The following TUSC3 variants were observed in gnomAD, a reference collection of about 807,000 sequenced individuals.
TUSC3 encodes the protein dolichyl-diphosphooligosaccharide--protein glycosyltransferase subunit TUSC3.
Under a neutral mutation model 44.8 loss-of-function variants are expected in TUSC3, and 45 were observed. The ratio of observed to expected loss-of-function variants is 1.00; its 90% CI spans 0.79 to 1.29. The LOEUF is 1.29. Among genes scored for constraint, TUSC3 ranks in the 50% most tolerant of loss-of-function variants. TUSC3 has a pLI of 0.00. For synonymous variants in TUSC3, 212 were observed against 152.9 expected (o/e 1.39, Z -2.85); for missense variants, 519 against 437.9 (o/e 1.19, Z -1.65).
chr8:15,609,571 GA>G (rs916365823), intron 1 of TUSC3, among the ~76,000 whole-genome samples: 17 of 149,922 alleles, frequency 1.1e-4, no homozygotes, highest in Non-Finnish European at 2.1e-4. Context: ...TGCAGTGGTG[GA>G]AAAAAAAATG....
intron 1 of TUSC3, among the ~76,000 whole-genome samples, chr8:15,445,158 A>C (rs1483015686): frequency 2.6e-4 from 40 of 152,266 alleles, no homozygotes; most frequent in Non-Finnish European, 7.4e-5. Flanking sequence ...AAATTCAATG[A>C]CCGTGGGTCT....
intron 10 of TUSC3, among the ~76,000 whole-genome samples, chr8:15,759,756 G>C (rs185327543): frequency 1.3e-5 from 2 of 151,950 alleles, no homozygotes; most frequent in Non-Finnish European, 2.9e-5. Context: ...ACATTATCAA[G>C]TCCTGACCTT....
At chr8:15,461,464 T>A (rs1800343976) in intron 1 of TUSC3, among the ~76,000 whole-genome samples, 1 of 152,070 alleles carries the variant, frequency 6.6e-6, no homozygotes, top group Admixed American at 6.6e-5. Context: ...AAGTGAGCGA[T>A]CATATCATCA....
At chr8:15,820,487 T>G in the TUSC3 span, among the ~76,000 whole-genome samples, 1 of 151,964 alleles carries the variant, frequency 6.6e-6, no homozygotes, top group Non-Finnish European at 1.5e-5. Flanking sequence ...GCCCAGCTAA[T>G]TTTTGTATTT....
chr8:15,757,201 GA>G lies in TUSC3; in HGVS notation c.1029-585del. On this transcript the variant is annotated intron_variant, in intron 9 of 10. Coordinates refer to ENST00000503731, the MANE Select transcript of TUSC3 (RefSeq NM_006765.4). ...AATTCTAAGCTGGGTGATAACAAGT[GA>G]AAAACAGAATATATAAATTAAGCTT... Among the ~76,000 whole-genome samples, 3 of 152,232 alleles carry G rather than the reference GA, an allele frequency of 2.0e-5. 1 individual carries two copies. In the South Asian group the frequency reaches 6.2e-4, roughly 32 times the overall value.
chr8:15,742,654 G>T (rs1024818796), intron 7 of TUSC3, among the ~76,000 whole-genome samples: 1 of 152,194 alleles, frequency 6.6e-6, no homozygotes, highest in Non-Finnish European at 1.5e-5. Context: ...GCAGTAGAAA[G>T]AAACACAAGG....
chr8:15,546,679 G>A lies in TUSC3; in HGVS notation c.138+6111G>A, dbSNP rs541476043. ...GCCTCCCGAGTAGCTGGGATTACAG[G>A]CATACGCCACCATGCCTGGCTAATT... On this transcript the variant is annotated intron_variant, in intron 1 of 10. Transcript: ENST00000503731. Among the ~76,000 whole-genome samples, 27 of 151,604 alleles carry A rather than the reference G, an allele frequency of 1.8e-4. 1 individual carries two copies. The highest frequency in any genetic ancestry group is 1.7e-3 in the Admixed American group (26 of 15,170).
chr8:15,770,213 A>G (rs1192319026), downstream of TUSC3, among the ~76,000 whole-genome samples: 1 of 152,242 alleles, frequency 6.6e-6, no homozygotes, highest in African/African-American at 2.4e-5. Flanking sequence ...CATATGCACC[A>G]TGGAATGCTA....
chr8:15,487,321 G>A (rs1019316038), intron 2 of TUSC3, among the ~76,000 whole-genome samples: 3 of 152,044 alleles, frequency 2.0e-5, no homozygotes, highest in African/African-American at 4.8e-5. Context: ...GATTTGTCTC[G>A]TGATTTATTT....
intron 1 of TUSC3, among the ~76,000 whole-genome samples, chr8:15,449,410 A>G (rs980579725): frequency 6.6e-6 from 1 of 152,136 alleles, no homozygotes; most frequent in African/African-American, 2.4e-5. Context: ...TGTTAACTGC[A>G]CATCCTCCAT....
chr8:15,814,502 C>T, the TUSC3 span, among the ~76,000 whole-genome samples: 1 of 152,258 alleles, frequency 6.6e-6, no homozygotes. Context: ...ACATTTGATT[C>T]AACAATTAGT....
At chr8:15,638,904 A>G (rs1023996668) in intron 2 of TUSC3, among the ~76,000 whole-genome samples, 16 of 151,134 alleles carry the variant, frequency 1.1e-4, no homozygotes, top group African/African-American at 3.2e-4. Flanking sequence ...GGCTTCAGTG[A>G]TGATGATCAT....
At chr8:15,546,693 G>T (rs947841490) in intron 1 of TUSC3, among the ~76,000 whole-genome samples, 1 of 151,450 alleles carries the variant, frequency 6.6e-6, no homozygotes, top group Non-Finnish European at 1.5e-5. Context: ...ACGCCACCAT[G>T]CCTGGCTAAT....
intron 1 of TUSC3, among the ~76,000 whole-genome samples, chr8:15,418,300 C>G (rs994414639): frequency 6.6e-6 from 1 of 152,074 alleles, no homozygotes; most frequent in Non-Finnish European, 1.5e-5. Flanking sequence ...CAATGAGTAA[C>G]GTAAACAAAA....
intron 6 of TUSC3, among the ~76,000 whole-genome samples, chr8:15,705,253 C>A (rs1404467645): frequency 2.0e-5 from 3 of 151,586 alleles, no homozygotes; most frequent in African/African-American, 7.3e-5. Context: ...TTCTTGGCTT[C>A]TTATGATGAG....
At chr8:15,530,960 C>A (rs1261809731) in intron 2 of TUSC3, among the ~76,000 whole-genome samples, 2 of 152,176 alleles carry the variant, frequency 1.3e-5, no homozygotes, top group South Asian at 4.1e-4. Context: ...CCCCAGAAAA[C>A]ACTGCTTCAG....
At chr8:15,586,453 A>G (rs1803606590) in intron 1 of TUSC3, among the ~76,000 whole-genome samples, 1 of 152,114 alleles carries the variant, frequency 6.6e-6, no homozygotes, top group Non-Finnish European at 1.5e-5. Flanking sequence ...GTAAAGTAAG[A>G]TAGGAGAGTG....
chr8:15,815,534 T>C, the TUSC3 span, among the ~76,000 whole-genome samples: 2 of 152,014 alleles, frequency 1.3e-5, no homozygotes, highest in Non-Finnish European at 2.9e-5. Context: ...AAACAATATG[T>C]AGGAGAAATT....
chr8:15,788,848 AG>A, the TUSC3 span, among the ~76,000 whole-genome samples: 39 of 152,320 alleles, frequency 2.6e-4, no homozygotes, highest in African/African-American at 8.4e-4. Context: ...CTTAGTAATG[AG>A]GGCGAGGGGC....
Sources: allele counts gnomAD v4.1 joint callset (sites outside exome capture counted in the v4.1 genomes callset), GRCh38; gene constraint gnomAD v4.1.1; transcripts MANE v1.5; gene names NCBI Gene and HGNC (gene_info 2026-07-23, HGNC 2026-07-21).